The following RNF139 variants were observed in gnomAD, a reference collection of about 807,000 sequenced individuals.
RNF139 encodes the protein ring finger protein 139, also known as E3 ubiquitin-protein ligase RNF139.
Under a neutral mutation model 49.5 loss-of-function variants are expected in RNF139, and 15 were observed. The ratio of observed to expected loss-of-function variants is 0.30; its 90% CI spans 0.20 to 0.47. The LOEUF is 0.47. RNF139 is among the 20% of genes least tolerant of loss of function. The pLI is 1.00. For synonymous variants in RNF139, 325 were observed against 300.9 expected (o/e 1.08, Z -0.83); for missense variants, 619 against 806.3 (o/e 0.77, Z 2.81).
At position 124,475,171 on chromosome 8, in the gene RNF139, C is replaced by CGCCG. The variant is rs1816291000; in HGVS notation, c.64_65insCGGC (p.Leu22ProfsTer84). 6.2e-7 allele frequency: 1 copy of CGCCG among 1,613,296 alleles called. No homozygotes were observed. The highest frequency in any genetic ancestry group is 8.5e-7 in the Non-Finnish European group (1 of 1,179,944). On this transcript the variant is annotated frameshift_variant, in exon 1 of 2. Coordinates refer to ENST00000303545, the MANE Select transcript of RNF139 (RefSeq NM_007218.4). LOFTEE classifies it high-confidence loss of function. ...ATGGCCCATCAGCAGGTCTGGGCGG[C>CGCCG]GCTCGAAGTGGCGCTCCGGGTGCCC... is the stretch of plus-strand genomic sequence containing the variant.
Position 124,476,727 on chromosome 8 carries a change from C to G in RNF139, c.181+1437C>G, listed in dbSNP as rs563092865. On this transcript the variant is annotated intron_variant, in intron 1 of 1. Transcript: ENST00000303545. ...GGATTCTGCATGTTCATCCCAGAAA[C>G]AGTGTAGTGACTGCTTTGAATATTC... 2.6e-4 allele frequency among the ~76,000 whole-genome samples: 39 copies of G among 152,324 alleles called. No individual in the cohort carries two copies. In the East Asian group the frequency reaches 7.3e-3, roughly 29 times the overall value.
chr8:124,484,373 G>T (rs1209914038), intron 1 of RNF139, among the ~76,000 whole-genome samples: 1 of 152,192 alleles, frequency 6.6e-6, no homozygotes, highest in Non-Finnish European at 1.5e-5. Context: ...GTGATGGCTT[G>T]TAAATGGATT....
intron 1 of RNF139, among the ~76,000 whole-genome samples, chr8:124,483,128 A>ATATATATATCTTTAAATATGTATATT (rs1586524826): frequency 1.9e-5 from 2 of 103,542 alleles, no homozygotes; most frequent in African/African-American, 7.2e-5. Context: ...ATATATTTAA[A>ATATATATATCTTTAAATATGTATATT]AGAGCCTGTT....
intron 1 of RNF139, among the ~76,000 whole-genome samples, chr8:124,479,290 G>A (rs960186444): frequency 2.0e-5 from 3 of 152,156 alleles, no homozygotes; most frequent in Non-Finnish European, 2.9e-5. Flanking sequence ...TAGAGAGATA[G>A]TTTGCTTAAG....
intron 1 of RNF139, among the ~76,000 whole-genome samples, chr8:124,485,077 A>C (rs1032318844): frequency 1.3e-5 from 2 of 152,148 alleles, no homozygotes; most frequent in Non-Finnish European, 2.9e-5. Flanking sequence ...AAAAAATCTA[A>C]AACTTGGCTG....
Position 124,483,012 on chromosome 8 carries a change from TATATATATATATTTAA to T in RNF139, c.182-2801_182-2786del, listed in dbSNP as rs1221917973. Among the ~76,000 whole-genome samples, 8 of 59,728 alleles carry T rather than the reference TATATATATATATTTAA, an allele frequency of 1.3e-4. No homozygotes were observed. The East Asian group carries it at 1.4e-3, about 10-fold the overall frequency. 39.2% of individuals were successfully genotyped at this position (59,728 alleles called of 152,430 possible). On this transcript the variant is annotated intron_variant, in intron 1 of 1. Transcript: ENST00000303545. Reference sequence around the variant, plus strand: ...TATTTAAAAATATATATATTAAAAATATATATATATATTTAAATATATATATATTTAAAAATATATC... The same window carrying T: ...TATTTAAAAATATATATATTAAAAATATATATATATATTTAAAAATATATC...
At chr8:124,482,935 TAAAAA>T (rs201354230) in intron 1 of RNF139, among the ~76,000 whole-genome samples, 1 of 79,616 alleles carries the variant, frequency 1.3e-5, no homozygotes, top group Admixed American at 1.7e-4. Flanking sequence ...AAAAAAAATA[TAAAAA>T]AAAATATATA....
intron 1 of RNF139, chr8:124,483,421 TTTTTA>T (rs1001154203): frequency 3.3e-5 from 5 of 151,644 alleles, no homozygotes; most frequent in Middle Eastern, 6.8e-3. Context: ...GATAGATGGA[TTTTTA>T]TTTTATTTAA....
At chr8:124,483,211 G>A (rs184114444) in intron 1 of RNF139, 3 of 132,440 alleles carry the variant, frequency 2.3e-5, no homozygotes, top group Admixed American at 8.0e-5. Context: ...GTATTTAGAG[G>A]TTTATATGTC....
At chr8:124,477,845 T>C (rs147829229) in intron 1 of RNF139, among the ~76,000 whole-genome samples, 12 of 152,220 alleles carry the variant, frequency 7.9e-5, no homozygotes, top group South Asian at 2.1e-4. Context: ...TGATAATTCA[T>C]TGAGGTGGGA....
At position 124,487,666 on chromosome 8, in the gene RNF139, A is replaced by T. The variant is rs182741726; in HGVS notation, c.*22A>T. ...CTGATGAAAATAGCATTTATTAATGATTGAGGTATTTGTTTAAAATTCAGT... is the reference window on the plus strand; with the variant it reads ...CTGATGAAAATAGCATTTATTAATGTTTGAGGTATTTGTTTAAAATTCAGT... On this transcript the variant is annotated 3_prime_UTR_variant, in exon 2 of 2. Transcript: ENST00000303545. The T allele has an allele frequency of 1.0e-4, 160 of 1,566,588 alleles. 1 individual carries two copies. Among genetic ancestry groups the T allele is most frequent in the South Asian group, 9.1e-4 (76 of 83,430 alleles).
In RNF139 at chr8:124,488,362, T is replaced by TG. The variant is rs1195204267; in HGVS notation, c.*718_*719insG. ...AATTGTCCTTTCATTCTTTTGAAGA[T>TG]ATTACAAAACAAAAATAGTTTTTTT... is the stretch of plus-strand genomic sequence containing the variant. On this transcript the variant is annotated 3_prime_UTR_variant, in exon 2 of 2. Transcript: ENST00000303545. 2.0e-5 allele frequency: 6 copies of TG among 303,796 alleles called. No homozygotes were observed. Among genetic ancestry groups the TG allele is most frequent in the African/African-American group, 1.1e-4 (5 of 45,594 alleles). The allele number at this position is 303,796 out of a possible 1,614,324, so 18.8% of individuals were successfully genotyped here.
At chr8:124,479,607 C>A (rs1427320236) in intron 1 of RNF139, among the ~76,000 whole-genome samples, 1 of 152,162 alleles carries the variant, frequency 6.6e-6, no homozygotes, top group African/African-American at 2.4e-5. Context: ...TTTTTAGCAG[C>A]ATCACTATCC....
At chr8:124,483,021 A>AT (rs1343686346) in intron 1 of RNF139, among the ~76,000 whole-genome samples, 4 of 87,886 alleles carry the variant, frequency 4.6e-5, no homozygotes, top group African/African-American at 7.1e-5. Flanking sequence ...ATATATATAT[A>AT]TATTTAAATA....
chr8:124,485,782 C>T, intron 1 of RNF139, 49 bp from the exon 2 acceptor site: 4 of 1,430,202 alleles, frequency 2.8e-6, no homozygotes, highest in Non-Finnish European at 3.8e-6. Flanking sequence ...AGTGGGGAAA[C>T]ATTCTTACAA....
chr8:124,475,459 C>T (rs979628366), intron 1 of RNF139, among the ~76,000 whole-genome samples, 169 bp downstream of exon 1: 9 of 152,210 alleles, frequency 5.9e-5, no homozygotes, highest in African/African-American at 1.9e-4. Context: ...GGAGATGATA[C>T]TTGTCTGAGT....
In RNF139 at chr8:124,486,014, A is replaced by C; in HGVS notation, c.365A>C (p.Lys122Thr). 6.2e-7 allele frequency: 1 copy of C among 1,614,182 alleles called. No homozygotes were observed. Residue 122 changes from lysine to threonine, a missense_variant, in exon 2 of 2, where the codon AAA becomes ACA. Lys to Thr is a moderately conservative substitution (Grantham distance 78, BLOSUM62 -1). Transcript: ENST00000303545. ...TTTGGAATTGAGCTGCTTCCTCGAA[A>C]AGGTCCCTCGCTGTGGATGGCACTT... ...SAFGIELLPR[K>T]GPSLWMALIV...
intron 1 of RNF139, chr8:124,483,420 AT>A (rs1340109334): frequency 6.6e-6 from 1 of 151,368 alleles, no homozygotes; most frequent in Non-Finnish European, 1.5e-5. Context: ...GGATAGATGG[AT>A]TTTTATTTTA....
chr8:124,479,814 A>G (rs1291870171), intron 1 of RNF139, among the ~76,000 whole-genome samples: 1 of 152,190 alleles, frequency 6.6e-6, no homozygotes. Context: ...TCAGAGATAG[A>G]ATTGAAGTAC....
Sources: gnomAD v4.1 joint callset for allele counts (sites outside exome capture counted in the v4.1 genomes callset) on GRCh38, gnomAD v4.1.1 for gene constraint, MANE v1.5 for transcripts, NCBI Gene and HGNC (gene_info 2026-07-23, HGNC 2026-07-21) for gene names.